ZNF154: variants seen among roughly 807,000 people sequenced by gnomAD.
The protein encoded by ZNF154 is zinc finger protein 154 (pHZ-92).
Under a neutral mutation model 7.5 loss-of-function variants are expected in ZNF154, and 6 were observed. The ratio of observed to expected loss-of-function variants is 0.80; its 90% confidence interval spans 0.44 to 1.57. The LOEUF (loss-of-function observed/expected upper bound fraction) is 1.57, where lower values mean the gene tolerates loss of function less well. Ranked by LOEUF, ZNF154 falls within the 40% of genes most tolerant of loss-of-function variation. The pLI, the probability that ZNF154 is intolerant of heterozygous loss-of-function variation, is 0.01. For synonymous variants in ZNF154, 187 were observed against 185.9 expected (o/e 1.01, Z -0.05); for missense variants, 485 against 531.4 (o/e 0.91, Z 0.86).
In ZNF154 at chr19:57,702,240, T is replaced by C; in HGVS notation, c.709A>G (p.Arg237Gly). Residue 237 changes from arginine to glycine, a missense_variant, in exon 3 of 3, where the codon AGA becomes GGA. Arg to Gly is a moderately radical substitution (Grantham distance 125). Transcript: ENST00000684351. ...SNKSNLIKHR[R>G]VHTGERPYEC... The stretch of plus-strand genomic sequence containing the variant: ...TATGGCCTTTCCCCAGTGTGAACTC[T>C]CCGATGTTTAATGAGGTTAGACTTG... 1 of 1,614,132 alleles carries C rather than the reference T, an allele frequency of 6.2e-7. No individual in the cohort carries two copies. Among genetic ancestry groups the C allele is most frequent in the Non-Finnish European group, 8.5e-7 (1 of 1,180,028 alleles).
chr19:57,704,467 C>CAGTG (rs1444196627), intron 2 of ZNF154, among the ~76,000 whole-genome samples: 2 of 152,170 alleles, frequency 1.3e-5, no homozygotes, highest in East Asian at 3.9e-4. Context: ...GTGACCATGT[C>CAGTG]AGTGACAATA....
At chr19:57,706,387 C>T (rs1247919048) in intron 1 of ZNF154, among the ~76,000 whole-genome samples, 3 of 152,138 alleles carry the variant, frequency 2.0e-5, no homozygotes, top group East Asian at 1.9e-4. Flanking sequence ...AACAACCTTC[C>T]TCTGTCCACT....
In ZNF154 at chr19:57,699,558, G is replaced by T; in HGVS notation, c.*2077C>A. 3.9e-6 allele frequency: 1 copy of T among 258,916 alleles called. No individual in the cohort carries two copies. The highest frequency in any genetic ancestry group is 8.0e-6 in the Non-Finnish European group (1 of 125,698). The allele number at this position is 258,916 out of a possible 1,614,324, so 16.0% of individuals were successfully genotyped here. A position where few individuals can be genotyped will look rare whatever the true frequency, so the allele number is the denominator to read the frequency against. ...AAGTAGTGGCCAGCCACTGGAAGTT[G>T]ACAATGACCAATTGAGAGCAATATT... On this transcript the variant is annotated 3_prime_UTR_variant, in exon 3 of 3. Transcript: ENST00000684351.
At chr19:57,707,314 G>C (rs972601394) in intron 1 of ZNF154, among the ~76,000 whole-genome samples, 1 of 152,028 alleles carries the variant, frequency 6.6e-6, no homozygotes, top group African/African-American at 2.4e-5. Flanking sequence ...ACCAAATAAA[G>C]CTCCTGTTGT....
rs899118794 is a variant in ZNF154 at position 57,699,406 on chromosome 19, C to T, written c.*2229G>A. ...CGGCTGAGATTTTCTTACTTGAGTT[C>T]CCAATGGGTCGTAAAGCAGCAGAGA... On this transcript the variant is annotated 3_prime_UTR_variant, in exon 3 of 3. Coordinates refer to ENST00000684351, the MANE Select transcript of ZNF154 (RefSeq NM_001085384.3). The T allele has an allele frequency of 3.8e-6, 1 of 260,338 alleles. No homozygotes were observed. The allele number at this position is 260,338 out of a possible 1,614,324, so 16.1% of individuals were successfully genotyped here. A position where few individuals can be genotyped will look rare whatever the true frequency, so the allele number is the denominator to read the frequency against.
rs1284814297 is a variant in ZNF154, at chr19:57,705,727, C to A, written c.34-748G>T. 1.4e-5 allele frequency among the ~76,000 whole-genome samples: 2 copies of A among 147,208 alleles called. 1 individual carries two copies. Among genetic ancestry groups the A allele is most frequent in the African/African-American group, 5.0e-5 (2 of 39,724 alleles). ...CAAGATTGCGAAACTGCACTCCAGT[C>A]TGGGCGACAGAGCGAGACTCCGTCT... On this transcript the variant is annotated intron_variant, in intron 1 of 2. Transcript: ENST00000684351.
Position 57,700,676 on chromosome 19 carries a change from A to G in ZNF154, c.*959T>C, listed in dbSNP as rs2240025. On this transcript the variant is annotated 3_prime_UTR_variant, in exon 3 of 3. Coordinates refer to ENST00000684351, the MANE Select transcript of ZNF154 (RefSeq NM_001085384.3). Reference sequence around the variant, plus strand: ...GAACAATTTCATGTTGCTTTCAGAAACATCAAAGGATGTCAAGTAACTGCT... The same window carrying G: ...GAACAATTTCATGTTGCTTTCAGAAGCATCAAAGGATGTCAAGTAACTGCT... The G allele has an allele frequency of 0.31, 46,935 of 152,174 alleles. 7,638 individuals carry two copies. Among genetic ancestry groups the G allele is most frequent in the East Asian group, 0.57 (2,945 of 5,174 alleles). The allele number at this position is 152,174 out of a possible 1,614,324, so 9.4% of individuals were successfully genotyped here. A position where few individuals can be genotyped will look rare whatever the true frequency, so the allele number is the denominator to read the frequency against.
intron 1 of ZNF154, among the ~76,000 whole-genome samples, chr19:57,707,655 C>T (rs1985446469): frequency 6.6e-6 from 1 of 152,142 alleles, no homozygotes; most frequent in South Asian, 2.1e-4. Context: ...GAATAGGTAC[C>T]CAACTTCTCA....
In ZNF154 at chr19:57,697,965, A is replaced by T. The variant is rs1453173812; in HGVS notation, c.*3670T>A. 2.0e-5 allele frequency: 3 copies of T among 152,342 alleles called. No homozygotes were observed. Among genetic ancestry groups the T allele is most frequent in the South Asian group, 4.1e-4 (2 of 4,830 alleles). The allele number at this position is 152,342 out of a possible 1,614,324, so 9.4% of individuals were successfully genotyped here. A position where few individuals can be genotyped will look rare whatever the true frequency, so the allele number is the denominator to read the frequency against. On this transcript the variant is annotated 3_prime_UTR_variant, in exon 3 of 3. Transcript: ENST00000684351. ...GCGTTCCAGGGTGTAAGCATGTATG[A>T]AAATATCAAAATATGCATTTTAAAT...
chr19:57,703,251 T>G (rs2188735), intron 2 of ZNF154, among the ~76,000 whole-genome samples: 151,911 of 152,136 alleles, frequency 1, 75,844 homozygotes, highest in Middle Eastern at 1. Flanking sequence ...ACTTTGGGAG[T>G]CCAAGGTGGG....
Position 57,709,201 on chromosome 19 carries a change from C to T in ZNF154, c.-230G>A. 1 of 554,818 alleles carries T rather than the reference C, an allele frequency of 1.8e-6. No individual in the cohort carries two copies. The highest frequency in any genetic ancestry group is 3.2e-6 in the Non-Finnish European group (1 of 315,960). 34.4% of individuals were successfully genotyped at this position (554,818 alleles called of 1,614,324 possible). ...CACCTCAGAGAAGCTAAAATGGCCG[C>T]CACGAAGAGGCCCCCCCAAAAGTCC... On this transcript the variant is annotated 5_prime_UTR_variant, in exon 1 of 3. Coordinates refer to ENST00000684351, the MANE Select transcript of ZNF154 (RefSeq NM_001085384.3).
chr19:57,701,890 C>T lies in ZNF154; in HGVS notation c.1059G>A (p.Gly353=), dbSNP rs754249358. 7.4e-6 allele frequency: 12 copies of T among 1,613,392 alleles called. No homozygotes were observed. The highest frequency in any genetic ancestry group is 1.3e-5 in the African/African-American group (1 of 74,636). The change falls in exon 3 of 3, where the codon GGG becomes GGA. Residue 353 remains glycine, a synonymous_variant. Coordinates refer to ENST00000684351, the MANE Select transcript of ZNF154 (RefSeq NM_001085384.3). ...ATTCACTGCACTCATAAGGCCTCTC[C>T]CCAGTGTGAACTCCCCGATGTTGAA... ...ALLQHRGVHT[G]ERPYECSECG... is the part of the protein sequence containing the mutation.
rs1985035029 is a variant in ZNF154, at chr19:57,699,508, C to G, written c.*2127G>C. 5.8e-6 allele frequency: 2 copies of G among 341,932 alleles called. No homozygotes were observed. Among genetic ancestry groups the G allele is most frequent in the Non-Finnish European group, 1.2e-5 (2 of 166,280 alleles). 21.2% of individuals were successfully genotyped at this position (341,932 alleles called of 1,614,324 possible). A position where few individuals can be genotyped will look rare whatever the true frequency, so the allele number is the denominator to read the frequency against. On this transcript the variant is annotated 3_prime_UTR_variant, in exon 3 of 3. Transcript: ENST00000684351. ...TGCAGTGGTGGTTCAAGAAGTTTTGCAAAGGAGACAAGAGCCTTGAAGAGA... is the reference window on the plus strand; with the variant it reads ...TGCAGTGGTGGTTCAAGAAGTTTTGGAAAGGAGACAAGAGCCTTGAAGAGA...
chr19:57,706,933 G>A (rs551058261), intron 1 of ZNF154, among the ~76,000 whole-genome samples: 1 of 152,272 alleles, frequency 6.6e-6, no homozygotes, highest in African/African-American at 2.4e-5. Flanking sequence ...CCAACATGGA[G>A]AAACCCTGTC....
chr19:57,704,755 G>A, intron 2 of ZNF154, 98 bp downstream of exon 2: 1 of 1,466,856 alleles, frequency 6.8e-7, no homozygotes, highest in African/African-American at 1.4e-5. Flanking sequence ...AAGAAGCAGA[G>A]CCCATAGTCT....
Position 57,701,661 on chromosome 19 carries a change from T to A in ZNF154, c.1288A>T (p.Lys430Ter), listed in dbSNP as rs1568461040. ...TATCGACTATGAATTCTCTGATGTT[T>A]AATAAGGCTGGAGTTATGGCTAAAG... The part of the protein sequence containing the change: ...KSFSHNSSLI[K>*]HQRIHSR Residue 430 changes from lysine (K) to a stop codon, truncating the protein, a stop_gained, in exon 3 of 3, where the codon AAA (lysine) becomes TAA (stop). Coordinates refer to ENST00000684351, the MANE Select transcript of ZNF154 (RefSeq NM_001085384.3). LOFTEE classifies it low-confidence loss of function (END_TRUNC). 6.2e-7 allele frequency: 1 copy of A among 1,612,840 alleles called. No individual in the cohort carries two copies. The highest frequency in any genetic ancestry group is 1.7e-5 in the Admixed American group (1 of 60,004).
chr19:57,701,971 T>G lies in ZNF154; in HGVS notation c.978A>C (p.Glu326Asp). ...CACATTCGCTGCACTTATAAGGCCT[T>G]TCTCCAGTGTGAACCCTATGGTGTT... The part of the protein sequence containing the change: ...LIEHHRVHTG[E>D]RPYKCSECGK... The change falls in exon 3 of 3, where the codon GAA becomes GAC. Residue 326 changes from glutamate (E) to aspartate (D), a missense_variant. By Grantham distance (45) the Glu-to-Asp change is conservative. Coordinates refer to ENST00000684351, the MANE Select transcript of ZNF154 (RefSeq NM_001085384.3). The G allele has an allele frequency of 6.2e-7, 1 of 1,612,554 alleles. No individual in the cohort carries two copies. Among genetic ancestry groups the G allele is most frequent in the Non-Finnish European group, 8.5e-7 (1 of 1,179,772 alleles).
At chr19:57,707,529 T>C (rs1167355177) in intron 1 of ZNF154, among the ~76,000 whole-genome samples, 3 of 152,144 alleles carry the variant, frequency 2.0e-5, no homozygotes, top group Admixed American at 6.5e-5. Context: ...TCCACTCTGA[T>C]CTTCTTTCCT....
At chr19:57,707,608 A>C (rs1392979459) in intron 1 of ZNF154, among the ~76,000 whole-genome samples, 1 of 151,740 alleles carries the variant, frequency 6.6e-6, no homozygotes, top group Non-Finnish European at 1.5e-5. Context: ...TGGTAAGATC[A>C]CCTCCCTCTT....
Sources: gnomAD v4.1 joint callset for allele counts (sites outside exome capture counted in the v4.1 genomes callset) on GRCh38, gnomAD v4.1.1 for gene constraint, MANE v1.5 for transcripts, NCBI Gene and HGNC (gene_info 2026-07-23, HGNC 2026-07-21) for gene names.